Variants in COL14A1 observed in about 807,000 individuals in gnomAD.
The protein encoded by COL14A1 is collagen type XIV alpha 1 chain.
A neutral mutation model predicts 230.3 loss-of-function variants in COL14A1; 136 were observed. That is an observed-to-expected ratio of 0.59 (90% CI 0.51 to 0.68). COL14A1 has a LOEUF of 0.68. Among genes scored for constraint, COL14A1 ranks in the 30% least tolerant of loss-of-function variants. COL14A1 has a pLI of 0.00. For missense variants in COL14A1, 1,976 were observed against 2,215.8 expected, an observed-to-expected ratio of 0.89 and a Z score of 2.17; for synonymous variants, 792 against 784.1, an observed-to-expected ratio of 1.01 and a Z score of -0.17.
At chr8:120,315,369 TAAAAAAAAAAA>T (rs56356824) in intron 38 of COL14A1, among the ~76,000 whole-genome samples, 153 bp from the exon 39 acceptor site, 1 of 111,856 alleles carries the variant, frequency 8.9e-6, no homozygotes, top group African/African-American at 3.5e-5. Flanking sequence ...AGACTCCATT[TAAAAAAAAAAA>T]AAAAAAAAAA....
chr8:120,175,108 C>T lies in COL14A1; in HGVS notation c.436+6861C>T, dbSNP rs528439669. ...ACATATTTTACAATTTTAGTTTAAACGCAGAGTTAAGATCCTTAACAGAAG... is the reference window on the plus strand; with the variant it reads ...ACATATTTTACAATTTTAGTTTAAATGCAGAGTTAAGATCCTTAACAGAAG... On this transcript the variant is annotated intron_variant, in intron 5 of 47. Coordinates refer to ENST00000297848, the MANE Select transcript of COL14A1 (RefSeq NM_021110.4). 1.3e-4 allele frequency among the ~76,000 whole-genome samples: 20 copies of T among 152,254 alleles called. 1 individual carries two copies. In the South Asian group the frequency reaches 2.7e-3, roughly 21 times the overall value.
At chr8:120,129,202 C>T (rs1049106587) in intron 1 of COL14A1, among the ~76,000 whole-genome samples, 4 of 152,082 alleles carry the variant, frequency 2.6e-5, no homozygotes, top group African/African-American at 9.7e-5. Context: ...TTCAATGCTG[C>T]AGAATGGAAA....
chr8:120,181,906 G>A (rs1816476649), intron 5 of COL14A1, among the ~76,000 whole-genome samples: 1 of 151,982 alleles, frequency 6.6e-6, no homozygotes, highest in Non-Finnish European at 1.5e-5. Context: ...AAGCCGAGAT[G>A]GCACCACTGC....
At chr8:120,263,056 C>T (rs1586814569) in intron 24 of COL14A1, 42 bp downstream of exon 24, 1 of 1,521,826 alleles carries the variant, frequency 6.6e-7, no homozygotes, top group South Asian at 1.3e-5. Context: ...TCCCCATGAA[C>T]AAACAGAATT....
At chr8:120,137,506 G>C (rs1017093304) in intron 1 of COL14A1, among the ~76,000 whole-genome samples, 3 of 151,820 alleles carry the variant, frequency 2.0e-5, no homozygotes, top group African/African-American at 4.8e-5. Context: ...TTTGGATTCA[G>C]TTTGCTCTTC....
intron 1 of COL14A1, among the ~76,000 whole-genome samples, chr8:120,142,305 A>AT (rs1814941123): frequency 6.6e-6 from 1 of 152,210 alleles, no homozygotes; most frequent in African/African-American, 2.4e-5. Context: ...GCCTGCTGCC[A>AT]TATCTTTTCA....
At chr8:120,167,609 TA>T (rs1056397500) in intron 4 of COL14A1, among the ~76,000 whole-genome samples, 4 of 152,224 alleles carry the variant, frequency 2.6e-5, no homozygotes, top group African/African-American at 9.6e-5. Context: ...ATTAAAGCCA[TA>T]AAAAACTACC....
In COL14A1 at chr8:120,149,940, C is replaced by T. The variant is rs1441769652; in HGVS notation, c.88+2010C>T. On this transcript the variant is annotated intron_variant, in intron 2 of 47. Transcript: ENST00000297848. ...AACTCCTGACCTCAAGTGATCCACC[C>T]TCCTTGGCCTCCCAAAGTGCTGGGA... is the stretch of plus-strand genomic sequence containing the variant. Among the ~76,000 whole-genome samples the T allele has an allele frequency of 3.3e-5, 5 of 152,260 alleles. No homozygotes were observed. The East Asian group carries it at 9.7e-4, about 29-fold the overall frequency.
Position 120,207,107 on chromosome 8 carries a change from G to T in COL14A1, c.1191+13G>T, listed in dbSNP as rs376022747. On this transcript the variant is annotated intron_variant, in intron 10 of 47. Transcript: ENST00000297848. ...AAAACCAGACGAGGTAATAAGGAGAGAGTATTTTCAAACCATTCTTTTTAT... is the reference window on the plus strand; with the variant it reads ...AAAACCAGACGAGGTAATAAGGAGATAGTATTTTCAAACCATTCTTTTTAT... 1.9e-6 allele frequency: 3 copies of T among 1,600,288 alleles called. No homozygotes were observed. Among genetic ancestry groups the T allele is most frequent in the Non-Finnish European group, 2.6e-6 (3 of 1,174,696 alleles).
intron 42 of COL14A1, among the ~76,000 whole-genome samples, chr8:120,333,911 G>A (rs905345103): frequency 6.6e-6 from 1 of 152,160 alleles, no homozygotes; most frequent in African/African-American, 2.4e-5. Flanking sequence ...GGACCTATGT[G>A]ATTACATTCA....
intron 13 of COL14A1, among the ~76,000 whole-genome samples, chr8:120,215,199 C>T (rs1423243435): frequency 2.0e-5 from 3 of 152,038 alleles, no homozygotes; most frequent in South Asian, 2.1e-4. Flanking sequence ...GTGAAACCCC[C>T]GTCTCTACCA....
At chr8:120,306,665 A>G (rs55707535) in intron 36 of COL14A1, among the ~76,000 whole-genome samples, 4,068 of 152,290 alleles carry the variant, frequency 0.027, 185 homozygotes, top group African/African-American at 0.092. Context: ...TTCGTCAACA[A>G]GTATTTGCTG....
chr8:120,212,634 GGATT>G, intron 13 of COL14A1, 57 bp downstream of exon 13: 1 of 1,596,834 alleles, frequency 6.3e-7, no homozygotes, highest in Non-Finnish European at 8.6e-7. Flanking sequence ...ATGAATGTGG[GGATT>G]CTGAATTGGA....
chr8:120,252,940 C>G (rs1277593036), intron 22 of COL14A1, among the ~76,000 whole-genome samples: 1 of 152,150 alleles, frequency 6.6e-6, no homozygotes. Flanking sequence ...AAAGGCTAGA[C>G]AGTGAATAAA....
intron 32 of COL14A1, among the ~76,000 whole-genome samples, chr8:120,284,843 A>T (rs542313572): frequency 2.0e-5 from 3 of 152,176 alleles, no homozygotes; most frequent in Non-Finnish European, 4.4e-5. Flanking sequence ...AAGAAAAAAG[A>T]TTAGATAAAT....
chr8:120,275,035 A>C (rs948865620), intron 26 of COL14A1, among the ~76,000 whole-genome samples: 10 of 151,884 alleles, frequency 6.6e-5, no homozygotes, highest in Admixed American at 6.6e-5. Flanking sequence ...AAATAGCCAA[A>C]GCACTCCTAA....
At chr8:120,281,297 C>T (rs1820030457) in intron 31 of COL14A1, among the ~76,000 whole-genome samples, 1 of 152,102 alleles carries the variant, frequency 6.6e-6, no homozygotes, top group South Asian at 2.1e-4. Flanking sequence ...TGCTGTGGCT[C>T]ATTCCTGTAA....
chr8:120,228,749 C>T lies in COL14A1; in HGVS notation c.2177C>T (p.Pro726Leu), dbSNP rs1277793536. Residue 726 changes from proline to leucine, a missense_variant, in exon 18 of 48, where the codon CCT (proline) becomes CTT (leucine). Around this residue, in one of 3 missense-constraint regions of COL14A1, gnomAD observed 1,791 missense variants for 2,019.5 expected, o/e 0.89. Transcript: ENST00000297848. ...FWTEPATTIVPTTSVTSVFQT... is the reference protein window; with the variant it reads ...FWTEPATTIVLTTSVTSVFQT... ...ACAGAACCAGCTACAACCATAGTGC[C>T]TACCACATCTGTGACTTCAGGTAAG... 6.2e-7 allele frequency: 1 copy of T among 1,613,886 alleles called. No homozygotes were observed. Among genetic ancestry groups the T allele is most frequent in the Admixed American group, 1.7e-5 (1 of 60,010 alleles).
chr8:120,262,846 T>A, intron 23 of COL14A1, 22 bp from the exon 24 acceptor site: 2 of 1,582,886 alleles, frequency 1.3e-6, no homozygotes, highest in Non-Finnish European at 1.7e-6. Flanking sequence ...TGTGTTTTTG[T>A]TTTGTTTTGT....
Sources: allele counts gnomAD v4.1 joint callset (sites outside exome capture counted in the v4.1 genomes callset), GRCh38; gene constraint gnomAD v4.1.1; regional missense constraint gnomAD v4.1.1; transcripts MANE v1.5; gene names NCBI Gene and HGNC (gene_info 2026-07-23, HGNC 2026-07-21).